Variants in UBL5 observed in about 807,000 individuals in gnomAD.
The protein encoded by UBL5 is ubiquitin-like protein 5.
A neutral mutation model predicts 11.7 loss-of-function variants in UBL5; 13 were observed. That is an observed-to-expected ratio of 1.11 (90% CI 0.73 to 1.77). UBL5 has a LOEUF of 1.77. UBL5 is among the 40% of genes most tolerant of loss of function. The pLI is 0.00. For missense variants in UBL5, 58 were observed against 92.3 expected (o/e 0.63, Z 1.52); for synonymous variants, 28 against 34.7 (o/e 0.81, Z 0.68).
intron 4 of UBL5, 163 bp downstream of exon 4, chr19:9,829,037 G>T: frequency 1.5e-6 from 1 of 689,246 alleles, no homozygotes; most frequent in Non-Finnish European, 2.5e-6. Flanking sequence ...TTTGGTTGGG[G>T]AGGAGAGTGG....
At chr19:9,829,895 C>A in intron 4 of UBL5, 70 bp from the exon 5 acceptor site, 1 of 1,592,676 alleles carries the variant, frequency 6.3e-7, no homozygotes, top group Non-Finnish European at 8.6e-7. Flanking sequence ...GCCACCTGAC[C>A]CGGCTGTGAA....
Position 9,828,309 on chromosome 19 carries a change from A to ACC in UBL5, c.-11-13_-11-12dup. 1.6e-6 allele frequency: 2 copies of ACC among 1,219,388 alleles called. No homozygotes were observed. The highest frequency in any genetic ancestry group is 2.4e-6 in the Non-Finnish European group (2 of 825,750). 75.5% of individuals were successfully genotyped at this position (1,219,388 alleles called of 1,614,324 possible). A position where few individuals can be genotyped will look rare whatever the true frequency, so the allele number is the denominator to read the frequency against. On this transcript the variant is annotated splice_polypyrimidine_tract_variant and intron_variant, in intron 1 of 4. Coordinates refer to ENST00000586895, the MANE Select transcript of UBL5 (RefSeq NM_001048241.3). ...GCTCTGACTTTGCTGCCTCCCACCC[A>ACC]CCCCCCGCTTTGTGTAGCTCCAGCT...
chr19:9,828,526 T>TACCA, intron 2 of UBL5, 66 bp from the exon 3 acceptor site: 1 of 1,602,146 alleles, frequency 6.2e-7, no homozygotes, highest in Non-Finnish European at 8.6e-7. Context: ...GCAGATGGTA[T>TACCA]TCTGCCCTAG....
intron 3 of UBL5, 30 bp from the exon 4 acceptor site, chr19:9,828,807 C>T (rs2046039997): frequency 1.2e-6 from 2 of 1,613,658 alleles, no homozygotes; most frequent in Non-Finnish European, 8.5e-7. Context: ...GCCTCCTTAG[C>T]CTTATCTCTG....
At chr19:9,828,082 T>G in intron 1 of UBL5, 98 bp downstream of exon 1, 1 of 583,024 alleles carries the variant, frequency 1.7e-6, no homozygotes, top group Non-Finnish European at 3.1e-6. Context: ...CAGGGAGTTT[T>G]GTGGCAGGGC....
intron 4 of UBL5, 196 bp downstream of exon 4, chr19:9,829,070 A>C (rs2145399328): frequency 1.6e-6 from 1 of 620,052 alleles, no homozygotes; most frequent in East Asian, 2.7e-5. Context: ...TTTGACTTCA[A>C]GTTCAAAATA....
At chr19:9,828,058 G>T in intron 1 of UBL5, 74 bp downstream of exon 1, 1 of 557,792 alleles carries the variant, frequency 1.8e-6, no homozygotes, top group Middle Eastern at 4.8e-4. Context: ...TCTGGGGTCG[G>T]TGGGAGGTGA....
At chr19:9,828,939 T>TA in intron 4 of UBL5, 65 bp downstream of exon 4, 1 of 1,514,440 alleles carries the variant, frequency 6.6e-7, no homozygotes, top group Non-Finnish European at 9.2e-7. Context: ...TGTTCAAAAC[T>TA]AAAGTCTGCA....
chr19:9,828,840 C>T lies in UBL5; in HGVS notation c.144C>T (p.Tyr48=). The change falls in exon 4 of 5, where the codon TAC becomes TAT. Residue 48 remains tyrosine, a synonymous_variant. Transcript: ENST00000586895. ...RWNKIVLKKW[Y]TIFKDHVSLG... The stretch of plus-strand genomic sequence containing the variant: ...CTGAAATGTCTCTTTTTCTTAGGTA[C>T]ACGATTTTTAAGGACCACGTGTCTC... The T allele has an allele frequency of 1.2e-6, 2 of 1,614,132 alleles. No homozygotes were observed. The highest frequency in any genetic ancestry group is 8.5e-7 in the Non-Finnish European group (1 of 1,180,008).
At chr19:9,828,152 G>C in intron 1 of UBL5, 168 bp downstream of exon 1, 1 of 640,452 alleles carries the variant, frequency 1.6e-6, no homozygotes, top group South Asian at 1.9e-5. Context: ...CCTGGGACAG[G>C]GGACTTGGGG....
At chr19:9,828,953 G>A (rs1279922091) in intron 4 of UBL5, 79 bp downstream of exon 4, 4 of 1,375,480 alleles carry the variant, frequency 2.9e-6, no homozygotes, top group Non-Finnish European at 3.1e-6. Context: ...GTCTGCATGA[G>A]CTTATGCATA....
chr19:9,828,512 C>T (rs2046037605), intron 2 of UBL5, 80 bp from the exon 3 acceptor site: 3 of 1,601,490 alleles, frequency 1.9e-6, no homozygotes, highest in Admixed American at 3.3e-5. Flanking sequence ...CGGATGGGGT[C>T]CTGGCAGATG....
chr19:9,828,301 T>TGCCC, intron 1 of UBL5, 26 bp from the exon 2 acceptor site: 3 of 1,597,584 alleles, frequency 1.9e-6, no homozygotes, highest in Non-Finnish European at 2.6e-6. Flanking sequence ...CTTTGCTGCC[T>TGCCC]CCCACCCACC....
At chr19:9,829,866 C>T (rs1482921863) in intron 4 of UBL5, 99 bp from the exon 5 acceptor site, 6 of 1,403,184 alleles carry the variant, frequency 4.3e-6, no homozygotes, top group South Asian at 1.2e-5. Context: ...GCTTCCTTAG[C>T]CCTGGGCTGA....
intron 4 of UBL5, 177 bp from the exon 5 acceptor site, chr19:9,829,788 C>T: frequency 1.6e-6 from 1 of 638,404 alleles, no homozygotes; most frequent in Non-Finnish European, 2.7e-6. Flanking sequence ...TGAGCCACTG[C>T]ACCCAGCCAG....
chr19:9,828,732 G>A, intron 3 of UBL5, 57 bp downstream of exon 3: 1 of 1,612,462 alleles, frequency 6.2e-7, no homozygotes, highest in East Asian at 2.2e-5. Flanking sequence ...GGTTTTGGTT[G>A]GGGGAGCGCT....
chr19:9,828,970 G>A (rs1399985294), intron 4 of UBL5, 96 bp downstream of exon 4: 6 of 1,212,930 alleles, frequency 4.9e-6, no homozygotes, highest in Admixed American at 1.7e-5. Flanking sequence ...CATATTAAGT[G>A]TTTAACTTAA....
Position 9,828,344 on chromosome 19 carries a change from G to C in UBL5, c.7G>C (p.Glu3Gln), listed in dbSNP as rs1399658661. The C allele has an allele frequency of 4.3e-6, 7 of 1,613,764 alleles. No individual in the cohort carries two copies. The highest frequency in any genetic ancestry group is 5.1e-6 in the Non-Finnish European group (6 of 1,179,954). The change falls in exon 2 of 5, where the codon GAG becomes CAG. Residue 3 changes from glutamate (E) to glutamine (Q), a missense_variant. By Grantham distance (29) the Glu-to-Gln change is conservative (BLOSUM62 2). Transcript: ENST00000586895. MIEVVCNDRLGKK... is the reference protein window; with the variant it reads MIQVVCNDRLGKK... ...TTGTGTAGCTCCAGCTAGGATGATC[G>C]AGGTTGTTTGCAACGACCGTCTGGG...
intron 3 of UBL5, 34 bp downstream of exon 3, chr19:9,828,709 G>A (rs914495232): frequency 1.2e-6 from 2 of 1,613,886 alleles, no homozygotes; most frequent in African/African-American, 1.3e-5. Context: ...GGGTGGACTG[G>A]ACTAGGCCGG....
Sources: gnomAD v4.1 joint callset for allele counts on GRCh38, gnomAD v4.1.1 for gene constraint, MANE v1.5 for transcripts, NCBI Gene and HGNC (gene_info 2026-07-23, HGNC 2026-07-21) for gene names.